PEPD: variants seen among roughly 807,000 people sequenced by gnomAD.
PEPD encodes xaa-Pro dipeptidase.
Under a neutral mutation model 60.7 loss-of-function variants are expected in PEPD, and 53 were observed. The ratio of observed to expected loss-of-function variants is 0.87; its 90% CI spans 0.70 to 1.10. The LOEUF is 1.10. Among genes scored for constraint, PEPD ranks in the 50% least tolerant of loss-of-function variants. The pLI is 0.00. For synonymous variants in PEPD, 267 were observed against 284.1 expected (o/e 0.94, Z 0.60); for missense variants, 711 against 711.9 (o/e 1.00, Z 0.01).
At position 33,460,692 on chromosome 19, in the gene PEPD, C is replaced by T. The variant is rs930437907; in HGVS notation, c.671+2303G>A. Among the ~76,000 whole-genome samples the T allele has an allele frequency of 3.9e-5, 6 of 152,248 alleles. 1 individual carries two copies. Among genetic ancestry groups the T allele is most frequent in the African/African-American group, 1.2e-4 (5 of 41,552 alleles). On this transcript the variant is annotated intron_variant, in intron 9 of 14. Transcript: ENST00000244137. Reference sequence around the variant, plus strand: ...TCCTGTGGCCTGCAGCAGGTGGGTGCACATGGCAGGTGCACAGCATGGGCA... The same window carrying T: ...TCCTGTGGCCTGCAGCAGGTGGGTGTACATGGCAGGTGCACAGCATGGGCA...
chr19:33,427,779 G>T (rs1047501537), intron 9 of PEPD, among the ~76,000 whole-genome samples: 10 of 152,148 alleles, frequency 6.6e-5, no homozygotes, highest in African/African-American at 2.4e-4. Flanking sequence ...ATAATTAGAA[G>T]AATTTGTGCT....
chr19:33,487,682 T>TG (rs763859289), intron 6 of PEPD, among the ~76,000 whole-genome samples: 11 of 152,034 alleles, frequency 7.2e-5, no homozygotes, highest in Non-Finnish European at 1.6e-4. Flanking sequence ...GATCAGAGAT[T>TG]GGAGAGGTAC....
intron 11 of PEPD, among the ~76,000 whole-genome samples, chr19:33,410,851 G>A (rs1317757025): frequency 1.3e-5 from 2 of 152,128 alleles, no homozygotes; most frequent in Non-Finnish European, 1.5e-5. Flanking sequence ...CCAGCACTGG[G>A]GTAGCTCTCA....
chr19:33,435,828 C>T (rs187072665), intron 9 of PEPD, among the ~76,000 whole-genome samples: 113 of 152,326 alleles, frequency 7.4e-4, no homozygotes, highest in African/African-American at 2.6e-3. Context: ...CACTGGGATG[C>T]TCAGGTGAGT....
At chr19:33,406,273 A>G (rs572436174) in intron 11 of PEPD, among the ~76,000 whole-genome samples, 54 of 152,356 alleles carry the variant, frequency 3.5e-4, no homozygotes, top group African/African-American at 1.2e-3. Flanking sequence ...GGGTCATGAC[A>G]TCAGCTGAGG....
intron 9 of PEPD, among the ~76,000 whole-genome samples, chr19:33,419,533 C>T (rs1600100685): frequency 6.6e-6 from 1 of 152,342 alleles, no homozygotes; most frequent in East Asian, 1.9e-4. Context: ...CGTGTTCGGG[C>T]TCGGAGTCCA....
intron 1 of PEPD, among the ~76,000 whole-genome samples, chr19:33,513,049 C>T (rs1450153263): frequency 6.6e-6 from 1 of 151,756 alleles, no homozygotes; most frequent in Non-Finnish European, 1.5e-5. Flanking sequence ...CACAGCAGGC[C>T]ACAGTGACCC....
intron 9 of PEPD, among the ~76,000 whole-genome samples, chr19:33,462,646 T>A (rs1403700923): frequency 6.6e-6 from 1 of 152,234 alleles, no homozygotes; most frequent in African/African-American, 2.4e-5. Flanking sequence ...TGGCAGTGTT[T>A]ACACATAAAA....
intron 9 of PEPD, among the ~76,000 whole-genome samples, chr19:33,433,607 A>G (rs1969316455): frequency 6.6e-6 from 1 of 152,240 alleles, no homozygotes; most frequent in Admixed American, 6.5e-5. Context: ...AGAAACATTA[A>G]GAAGCGCTGT....
At chr19:33,415,564 A>T (rs1968873159) in intron 9 of PEPD, among the ~76,000 whole-genome samples, 1 of 152,098 alleles carries the variant, frequency 6.6e-6, no homozygotes, top group Non-Finnish European at 1.5e-5. Flanking sequence ...GGAGGCAGTG[A>T]GGAAACTTGG....
At chr19:33,504,958 G>T (rs1381369890) in intron 3 of PEPD, among the ~76,000 whole-genome samples, 1 of 152,110 alleles carries the variant, frequency 6.6e-6, no homozygotes, top group East Asian at 1.9e-4. Flanking sequence ...GCATGGATGA[G>T]AGAGGCCTTT....
At chr19:33,416,498 C>T (rs776156663) in intron 9 of PEPD, among the ~76,000 whole-genome samples, 14 of 152,186 alleles carry the variant, frequency 9.2e-5, no homozygotes, top group Admixed American at 3.9e-4. Flanking sequence ...CGTGCAGCCC[C>T]GGACCAGCTG....
At position 33,511,019 on chromosome 19, in the gene PEPD, G is replaced by A. The variant is rs762127020; in HGVS notation, c.329+9C>T. 1.9e-6 allele frequency: 3 copies of A among 1,611,500 alleles called. No individual in the cohort carries two copies. In the South Asian group the frequency reaches 3.3e-5, roughly 18 times the overall value. ...GTAGCCATGGTGCCCTGGCCAGGCT[G>A]CTCCTTACTTTCCCATCCAGGTGGC... On this transcript the variant is annotated intron_variant, in intron 3 of 14. Transcript: ENST00000244137.
intron 9 of PEPD, among the ~76,000 whole-genome samples, chr19:33,462,111 A>T (rs959720403): frequency 1.3e-5 from 2 of 152,158 alleles, no homozygotes; most frequent in Non-Finnish European, 2.9e-5. Context: ...CCAGCCTGGG[A>T]GGGTGATATG....
chr19:33,479,203 C>T (rs1970272537), intron 6 of PEPD, among the ~76,000 whole-genome samples: 1 of 149,882 alleles, frequency 6.7e-6, no homozygotes, highest in African/African-American at 2.5e-5. Context: ...CTAAAACATA[C>T]AGAAAAGGAA....
chr19:33,409,162 T>C (rs114905066), intron 11 of PEPD, among the ~76,000 whole-genome samples: 2,208 of 152,054 alleles, frequency 0.015, 57 homozygotes, highest in African/African-American at 0.05. Context: ...ATAAAGAGGG[T>C]CATAAAGGAG....
rs755333779 is a variant in PEPD, at chr19:33,511,061, C to A, written c.296G>T (p.Arg99Met). ...CCAGGTGGCATGGCTGGCAGGAAGCCTGGGCACAAACAGGGTCGACTTCCC... is the reference window on the plus strand; with the variant it reads ...CCAGGTGGCATGGCTGGCAGGAAGCATGGGCACAAACAGGGTCGACTTCCC... ...DTGKSTLFVP[R>M]LPASHATWMG... is the part of the protein sequence containing the mutation. The change falls in exon 3 of 15, where the codon AGG becomes ATG. Residue 99 changes from arginine (R) to methionine (M), a missense_variant. By Grantham distance (91) the Arg-to-Met change is moderately conservative (BLOSUM62 -1). Transcript: ENST00000244137. 3 of 1,613,920 alleles carry A rather than the reference C, an allele frequency of 1.9e-6. No individual in the cohort carries two copies. The African/African-American group carries it at 4.0e-5, about 22-fold the overall frequency.
At chr19:33,400,348 G>A (rs1266438029) in intron 12 of PEPD, among the ~76,000 whole-genome samples, 2 of 152,254 alleles carry the variant, frequency 1.3e-5, no homozygotes, top group Non-Finnish European at 1.5e-5. Context: ...CAGGGCCATT[G>A]TCCTGTGCCA....
At chr19:33,468,263 C>T (rs1334169583) in intron 7 of PEPD, among the ~76,000 whole-genome samples, 2 of 152,226 alleles carry the variant, frequency 1.3e-5, no homozygotes, top group Non-Finnish European at 2.9e-5. Flanking sequence ...CCCAAAGGCC[C>T]ACCCGTGACT....
Sources: gnomAD v4.1 joint callset for allele counts (sites outside exome capture counted in the v4.1 genomes callset) on GRCh38, gnomAD v4.1.1 for gene constraint, MANE v1.5 for transcripts, NCBI Gene and HGNC (gene_info 2026-07-23, HGNC 2026-07-21) for gene names.